Variants in ORC5 observed in about 807,000 individuals in gnomAD.
The protein encoded by ORC5 is protein phosphatase 1, regulatory subunit 117.
A neutral mutation model predicts 58.8 loss-of-function variants in ORC5; 39 were observed. The observed-to-expected ratio is 0.66, with a 90% CI of 0.51 to 0.87. The LOEUF (loss-of-function observed/expected upper bound fraction) is 0.87, where lower values mean the gene tolerates loss of function less well. Among genes scored for constraint, ORC5 ranks in the 40% least tolerant of loss-of-function variants. The pLI is 0.00. For synonymous variants in ORC5, 218 were observed against 177.6 expected (o/e 1.23, Z -1.81); for missense variants, 493 against 506.3 (o/e 0.97, Z 0.25).
chr7:104,162,625 T>C (rs1799043448), intron 11 of ORC5, among the ~76,000 whole-genome samples: 1 of 152,238 alleles, frequency 6.6e-6, no homozygotes. Flanking sequence ...TTTCCAGGTC[T>C]TAAATTTTGT....
At chr7:104,148,105 T>C (rs1466353752) in intron 12 of ORC5, among the ~76,000 whole-genome samples, 1 of 152,186 alleles carries the variant, frequency 6.6e-6, no homozygotes, top group Non-Finnish European at 1.5e-5. Context: ...GTCCAGGCTC[T>C]GTGACAGACA....
intron 8 of ORC5, among the ~76,000 whole-genome samples, chr7:104,174,153 T>C (rs1349281795): frequency 6.6e-6 from 1 of 151,912 alleles, no homozygotes. Context: ...CGTAAAATTT[T>C]TGTGAATACT....
chr7:104,126,457 T>G lies in ORC5; in HGVS notation c.*391A>C, dbSNP rs1240913793. On this transcript the variant is annotated 3_prime_UTR_variant, in exon 14 of 14. Transcript: ENST00000297431. ...TGCAGAGGCTCCTGTGGAGAGGAAG[T>G]GAAAAGAATGGGCATATAAACAAGG... 6.1e-6 allele frequency: 1 copy of G among 165,096 alleles called. No homozygotes were observed. Among genetic ancestry groups the G allele is most frequent in the Admixed American group, 6.4e-5 (1 of 15,626 alleles). The allele number at this position is 165,096 out of a possible 1,614,324, so 10.2% of individuals were successfully genotyped here.
Position 104,136,218 on chromosome 7 carries a change from C to CCTG in ORC5, c.1262+562_1262+563insCAG, listed in dbSNP as rs1798585847. ...GGCTTTTCTCTCACACTCTGTCCTT[C>CCTG]AGTCAGGGATGTGACACAATTCCTC... On this transcript the variant is annotated intron_variant, in intron 13 of 13. Coordinates refer to ENST00000297431, the MANE Select transcript of ORC5 (RefSeq NM_002553.4). The surrounding 1 kb of genome is among the most constrained non-coding windows in gnomAD (Gnocchi z 4.2). Among the ~76,000 whole-genome samples the CCTG allele has an allele frequency of 2.0e-5, 3 of 152,102 alleles. No individual in the cohort carries two copies. In the South Asian group the frequency reaches 6.2e-4, roughly 32 times the overall value.
At position 104,166,900 on chromosome 7, in the gene ORC5, C is replaced by G. The variant is rs1370835491; in HGVS notation, c.878-16G>C. On this transcript the variant is annotated splice_polypyrimidine_tract_variant and intron_variant, in intron 9 of 13. Transcript: ENST00000297431. ...GCTGAGAGGCCTATATAACAAAACA[C>G]TTTGATGAAGTACTTATTAGGCTAA... The G allele has an allele frequency of 8.5e-6, 12 of 1,412,388 alleles. No individual in the cohort carries two copies. Among genetic ancestry groups the G allele is most frequent in the Non-Finnish European group, 1.2e-5 (12 of 1,005,406 alleles). The allele number at this position is 1,412,388 out of a possible 1,614,324, so 87.5% of individuals were successfully genotyped here. A position where few individuals can be genotyped will look rare whatever the true frequency, so the allele number is the denominator to read the frequency against.
intron 12 of ORC5, among the ~76,000 whole-genome samples, chr7:104,151,942 C>A (rs1298475776): frequency 6.6e-6 from 1 of 152,088 alleles, no homozygotes; most frequent in Non-Finnish European, 1.5e-5. Context: ...TAAAGGCTAC[C>A]TGGGCCTAAG....
At chr7:104,169,442 A>G (rs575266222) in intron 8 of ORC5, among the ~76,000 whole-genome samples, 1 of 152,304 alleles carries the variant, frequency 6.6e-6, no homozygotes, top group Non-Finnish European at 1.5e-5. Context: ...GCAACACACT[A>G]TAGTATAATG....
At chr7:104,150,965 G>A (rs1049362927) in intron 12 of ORC5, among the ~76,000 whole-genome samples, 3 of 152,186 alleles carry the variant, frequency 2.0e-5, no homozygotes, top group African/African-American at 4.8e-5. Flanking sequence ...GATTCACTGA[G>A]AAATGACATT....
rs182122028 is a variant in ORC5 at position 104,177,693 on chromosome 7, T to C, written c.824+6250A>G. On this transcript the variant is annotated intron_variant, in intron 8 of 13. Coordinates refer to ENST00000297431, the MANE Select transcript of ORC5 (RefSeq NM_002553.4). Reference sequence around the variant, plus strand: ...TCTCAGTTTTAAGCCCTGCATGCATTAGGTATTTGTCCTAATGCTCTCCCT... The same window carrying C: ...TCTCAGTTTTAAGCCCTGCATGCATCAGGTATTTGTCCTAATGCTCTCCCT... Among the ~76,000 whole-genome samples the C allele has an allele frequency of 1.9e-3, 291 of 152,230 alleles. 2 individuals are homozygous for C. The highest frequency in any genetic ancestry group is 3.2e-3 in the Non-Finnish European group (221 of 68,008).
chr7:104,131,299 C>G (rs963952697), intron 13 of ORC5, among the ~76,000 whole-genome samples: 1 of 152,160 alleles, frequency 6.6e-6, no homozygotes, highest in African/African-American at 2.4e-5. Context: ...AAATTCAGCT[C>G]CATCAGAATC....
chr7:104,155,328 A>T (rs975833572), intron 12 of ORC5, among the ~76,000 whole-genome samples: 3 of 151,636 alleles, frequency 2.0e-5, no homozygotes, highest in Non-Finnish European at 4.4e-5. Context: ...AAACACTCTA[A>T]ATTTTTTATT....
chr7:104,190,222 T>C (rs1312715403), intron 5 of ORC5, among the ~76,000 whole-genome samples: 1 of 152,094 alleles, frequency 6.6e-6, no homozygotes, highest in Non-Finnish European at 1.5e-5. Context: ...AACAACCTTA[T>C]TACCGGCAAA....
chr7:104,195,399 A>G (rs902136011), intron 4 of ORC5, 145 bp from the exon 5 acceptor site: 70 of 520,820 alleles, frequency 1.3e-4, no homozygotes, highest in Non-Finnish European at 2.3e-5. Context: ...CCATATTTAG[A>G]AAACCTAATC....
At chr7:104,131,384 C>T (rs936093203) in intron 13 of ORC5, among the ~76,000 whole-genome samples, 17 of 152,136 alleles carry the variant, frequency 1.1e-4, no homozygotes, top group African/African-American at 3.9e-4. Context: ...AATTCTAAAC[C>T]CCATGCTTAT....
chr7:104,146,185 T>TATCTGAAA (rs1308987512), intron 12 of ORC5, among the ~76,000 whole-genome samples: 1 of 152,178 alleles, frequency 6.6e-6, no homozygotes, highest in Non-Finnish European at 1.5e-5. Context: ...CTCAAGACAG[T>TATCTGAAA]ATCTGAAAAA....
Position 104,158,461 on chromosome 7 carries a change from C to A in ORC5, c.1149+2611G>T, listed in dbSNP as rs557788604. Among the ~76,000 whole-genome samples, 8 of 151,968 alleles carry A rather than the reference C, an allele frequency of 5.3e-5. No individual in the cohort carries two copies. The East Asian group carries it at 1.5e-3, about 29-fold the overall frequency. ...ACACCAAAAGCAATGGTAACAAAAG[C>A]CAAAATTGACAAATGGGATCTAATT... On this transcript the variant is annotated intron_variant, in intron 12 of 13. Coordinates refer to ENST00000297431, the MANE Select transcript of ORC5 (RefSeq NM_002553.4).
chr7:104,196,532 C>T (rs10260238), intron 4 of ORC5, among the ~76,000 whole-genome samples: 14,742 of 152,180 alleles, frequency 0.097, 1,170 homozygotes, highest in African/African-American at 0.22. Flanking sequence ...CGTCCCTCAA[C>T]TATTACTAAA....
chr7:104,207,226 T>A (rs1800110801), intron 1 of ORC5, among the ~76,000 whole-genome samples: 1 of 147,716 alleles, frequency 6.8e-6, no homozygotes, highest in Non-Finnish European at 1.5e-5. Context: ...AACGCTACCC[T>A]CTGCCTATTG....
Position 104,129,596 on chromosome 7 carries a change from G to A in ORC5, c.1263-2703C>T, listed in dbSNP as rs548568667. Among the ~76,000 whole-genome samples, 9 of 152,222 alleles carry A rather than the reference G, an allele frequency of 5.9e-5. No homozygotes were observed. The highest frequency in any genetic ancestry group is 1.9e-4 in the East Asian group (1 of 5,190). On this transcript the variant is annotated intron_variant, in intron 13 of 13. Coordinates refer to ENST00000297431, the MANE Select transcript of ORC5 (RefSeq NM_002553.4). The surrounding 1 kb of genome is among the most constrained non-coding windows in gnomAD (Gnocchi z 4.9). Reference sequence around the variant, plus strand: ...ACATAAAAAACTATGCCACACATCCGAAAGATAATTTTGTGCTTTAAAGTA... The same window carrying A: ...ACATAAAAAACTATGCCACACATCCAAAAGATAATTTTGTGCTTTAAAGTA...
Sources: gnomAD v4.1 joint callset for allele counts (sites outside exome capture counted in the v4.1 genomes callset) on GRCh38, gnomAD v4.1.1 for gene constraint, Gnocchi (gnomAD v3.1) non-coding constraint, MANE v1.5 for transcripts, NCBI Gene and HGNC (gene_info 2026-07-23, HGNC 2026-07-21) for gene names.